Variants in PRKG1 observed in about 807,000 individuals in gnomAD.
PRKG1 encodes cGMP-dependent protein kinase 1.
Under a neutral mutation model 88.1 loss-of-function variants are expected in PRKG1, and 35 were observed. That is an observed-to-expected ratio of 0.40 (90% CI 0.30 to 0.53). The LOEUF (loss-of-function observed/expected upper bound fraction) is 0.53. PRKG1 is among the 20% of genes least tolerant of loss of function. PRKG1 has a pLI of 0.59. For missense variants in PRKG1, 540 were observed against 839.8 expected (o/e 0.64, Z 4.41); for synonymous variants, 303 against 292.5 (o/e 1.04, Z -0.37).
chr10:52,095,098 TGCCCCTGCACCA>T (rs1206313379), intron 7 of PRKG1, among the ~76,000 whole-genome samples: 1 of 152,178 alleles, frequency 6.6e-6, no homozygotes, highest in Non-Finnish European at 1.5e-5. Flanking sequence ...TCTGCACCTC[TGCCCCTGCACCA>T]GCTTTGTTTT....
intron 2 of PRKG1, among the ~76,000 whole-genome samples, chr10:51,445,632 G>A (rs1434667889): frequency 6.6e-6 from 1 of 151,788 alleles, no homozygotes; most frequent in African/African-American, 2.4e-5. Flanking sequence ...CAATTTGAAT[G>A]AACAGATGGC....
chr10:51,368,599 C>A (rs1842637313), intron 2 of PRKG1, among the ~76,000 whole-genome samples: 1 of 152,004 alleles, frequency 6.6e-6, no homozygotes, highest in Admixed American at 6.6e-5. Flanking sequence ...TTTAAAATTA[C>A]AGAGTGACAT....
intron 2 of PRKG1, among the ~76,000 whole-genome samples, chr10:51,372,068 A>G (rs918342414): frequency 6.6e-6 from 1 of 152,152 alleles, no homozygotes; most frequent in Non-Finnish European, 1.5e-5. Flanking sequence ...TGCTAGAAAC[A>G]TAATAAAAAA....
upstream of PRKG1, among the ~76,000 whole-genome samples, chr10:51,073,816 A>C (rs1843874329): frequency 1.3e-5 from 2 of 152,050 alleles, no homozygotes; most frequent in East Asian, 3.9e-4. Flanking sequence ...CTGAGAGGCA[A>C]GTTTCTTCGC....
intron 4 of PRKG1, among the ~76,000 whole-genome samples, chr10:51,893,285 A>C (rs1841766756): frequency 6.6e-6 from 1 of 152,014 alleles, no homozygotes; most frequent in African/African-American, 2.4e-5. Context: ...GTCTCAAGTA[A>C]ATAGCCTCAA....
intron 4 of PRKG1, among the ~76,000 whole-genome samples, chr10:51,891,218 C>T (rs1418427540): frequency 2.0e-5 from 3 of 152,164 alleles, no homozygotes; most frequent in Non-Finnish European, 2.9e-5. Context: ...GAACTATGAT[C>T]ATACCATTGC....
chr10:51,333,984 C>T (rs1273906532), intron 2 of PRKG1, among the ~76,000 whole-genome samples: 2 of 152,150 alleles, frequency 1.3e-5, no homozygotes, highest in Non-Finnish European at 2.9e-5. Flanking sequence ...TTCAAACACA[C>T]CAATTGTGTC....
chr10:51,936,125 T>A (rs1842795547), intron 5 of PRKG1, among the ~76,000 whole-genome samples: 1 of 152,000 alleles, frequency 6.6e-6, no homozygotes, highest in Admixed American at 6.6e-5. Context: ...AAATTCTGTT[T>A]ATTCAGCCTT....
At position 51,743,689 on chromosome 10, in the gene PRKG1, A is replaced by AAAC. The variant is rs1216656554; in HGVS notation, c.593-60896_593-60895insAAC. Among the ~76,000 whole-genome samples the AAAC allele has an allele frequency of 8.9e-4, 117 of 132,034 alleles. 1 individual carries two copies. Among genetic ancestry groups the AAAC allele is most frequent in the African/African-American group, 3.3e-3 (112 of 34,356 alleles). 86.6% of individuals were successfully genotyped at this position (132,034 alleles called of 152,430 possible). On this transcript the variant is annotated intron_variant, in intron 3 of 17. Transcript: ENST00000373980. Reference sequence around the variant, plus strand: ...ATATATATTTATATATATATAATTTATTATATATATAATATAAACTAAATA... The same window carrying AAAC: ...ATATATATTTATATATATATAATTTAAACTTATATATATAATATAAACTAAATA...
intron 1 of PRKG1, among the ~76,000 whole-genome samples, chr10:50,999,648 T>C (rs1842867708): frequency 6.6e-6 from 1 of 152,226 alleles, no homozygotes; most frequent in Non-Finnish European, 1.5e-5. Flanking sequence ...TATTTGTGGG[T>C]CTATTTATTC....
intron 1 of PRKG1, among the ~76,000 whole-genome samples, chr10:51,001,143 A>T (rs2132714791): frequency 6.6e-6 from 1 of 152,218 alleles, no homozygotes; most frequent in East Asian, 1.9e-4. Context: ...TCTTGCCTTG[A>T]GACAGTGAGG....
At chr10:51,236,835 G>A (rs548976260) in intron 2 of PRKG1, among the ~76,000 whole-genome samples, 2 of 152,162 alleles carry the variant, frequency 1.3e-5, no homozygotes, top group East Asian at 3.9e-4. Context: ...TTTGTGAGAT[G>A]CCAGTATAAC....
At chr10:50,996,424 T>A (rs1292619495) in intron 1 of PRKG1, among the ~76,000 whole-genome samples, 1 of 152,188 alleles carries the variant, frequency 6.6e-6, no homozygotes, top group Non-Finnish European at 1.5e-5. Flanking sequence ...TAGGAAGAAA[T>A]GAACCTTCCC....
chr10:51,082,182 A>T (rs779013209), intron 1 of PRKG1, among the ~76,000 whole-genome samples: 18 of 152,190 alleles, frequency 1.2e-4, no homozygotes, highest in Non-Finnish European at 2.2e-4. Context: ...CCACAGTCAC[A>T]CTAGGTTGAG....
intron 9 of PRKG1, among the ~76,000 whole-genome samples, chr10:52,171,363 T>C (rs1838670453): frequency 2.0e-5 from 3 of 152,140 alleles, no homozygotes; most frequent in South Asian, 4.1e-4. Context: ...GAGAATGGCA[T>C]TGTGAAATAG....
chr10:51,209,367 C>A (rs1838152821), intron 2 of PRKG1, among the ~76,000 whole-genome samples: 1 of 152,086 alleles, frequency 6.6e-6, no homozygotes, highest in South Asian at 2.1e-4. Flanking sequence ...AGGCTTGAAT[C>A]CAGTGAACAG....
intron 2 of PRKG1, among the ~76,000 whole-genome samples, chr10:51,178,721 C>G (rs956307311): frequency 1.3e-5 from 2 of 151,844 alleles, no homozygotes; most frequent in Non-Finnish European, 2.9e-5. Context: ...TGGAAGTTGG[C>G]CTGAGACATA....
intron 3 of PRKG1, chr10:51,698,044 C>T (rs878977306): frequency 3.1e-6 from 5 of 1,614,064 alleles, no homozygotes; most frequent in Non-Finnish European, 4.2e-6. Context: ...CTCCAGGATT[C>T]CCCACCCCTG....
At chr10:51,343,677 T>TA (rs1452617194) in intron 2 of PRKG1, among the ~76,000 whole-genome samples, 3 of 152,158 alleles carry the variant, frequency 2.0e-5, no homozygotes, top group Non-Finnish European at 2.9e-5. Context: ...GTATAATTAC[T>TA]AAAAAAATTC....
Sources: gnomAD v4.1 joint callset for allele counts (sites outside exome capture counted in the v4.1 genomes callset) on GRCh38, gnomAD v4.1.1 for gene constraint, MANE v1.5 for transcripts, NCBI Gene and HGNC (gene_info 2026-07-23, HGNC 2026-07-21) for gene names.